ZNF611: variants seen among roughly 807,000 people sequenced by gnomAD.
The protein encoded by ZNF611 is zinc finger protein 611.
In ZNF611, 6 loss-of-function variants were observed where a neutral mutation model predicts 8.9. That is an observed-to-expected ratio of 0.68 (90% confidence interval 0.37 to 1.34). The LOEUF is 1.34. Among genes scored for constraint, ZNF611 ranks in the 40% most tolerant of loss-of-function variants. ZNF611 has a pLI of 0.02. For missense variants in ZNF611, 874 were observed against 841.3 expected, an observed-to-expected ratio of 1.04 and a Z score of -0.48; for synonymous variants, 262 against 279.7, an observed-to-expected ratio of 0.94 and a Z score of 0.63.
At chr19:52,724,691 C>T (rs2147442351) in intron 3 of ZNF611, 1 of 152,660 alleles carries the variant, frequency 6.6e-6, no homozygotes, top group East Asian at 1.9e-4. Context: ...CCCCAGTCCC[C>T]ACTCTCTAGC....
At position 52,729,507 on chromosome 19, in the gene ZNF611, A is replaced by AAG. The variant is rs1465435030; in HGVS notation, c.-122+398_-122+399insCT. 5.2e-3 allele frequency among the ~76,000 whole-genome samples: 763 copies of AAG among 145,404 alleles called. 37 individuals carry two copies. The highest frequency in any genetic ancestry group is 0.02 in the African/African-American group (737 of 37,066). ...GACTCCATCTCAAAAAAAAAAAAAAAAAAAAAAAAAAGAAAAGAAAGAAAA... is the reference window on the plus strand; with the variant it reads ...GACTCCATCTCAAAAAAAAAAAAAAAAGAAAAAAAAAAAGAAAAGAAAGAAAA... On this transcript the variant is annotated intron_variant, in intron 2 of 5. Coordinates refer to ENST00000652185, the MANE Select transcript of ZNF611 (RefSeq NM_001161499.2).
chr19:52,715,769 T>C (rs1169759558), intron 4 of ZNF611, 63 bp downstream of exon 4: 63 of 1,598,590 alleles, frequency 3.9e-5, no homozygotes, highest in Non-Finnish European at 4.8e-5. Flanking sequence ...GACTGGCTGC[T>C]ACAATACCTG....
At chr19:52,731,543 T>G (rs2147450968) in intron 1 of ZNF611, among the ~76,000 whole-genome samples, 1 of 151,922 alleles carries the variant, frequency 6.6e-6, no homozygotes, top group South Asian at 2.1e-4. Context: ...TTTGTATTTT[T>G]TTTTTTGTAG....
rs1159350274 is a variant in ZNF611, at chr19:52,730,391, CAAAAAAAAAAAAAAAAAA to C, written c.-221-404_-221-387del. Among the ~76,000 whole-genome samples, 477 of 73,560 alleles carry C rather than the reference CAAAAAAAAAAAAAAAAAA, an allele frequency of 6.5e-3. 4 individuals carry two copies. The highest frequency in any genetic ancestry group is 0.023 in the African/African-American group (455 of 19,952). 48.3% of individuals were successfully genotyped at this position (73,560 alleles called of 152,430 possible). A position where few individuals can be genotyped will look rare whatever the true frequency, so the allele number is the denominator to read the frequency against. On this transcript the variant is annotated intron_variant, in intron 1 of 5. Transcript: ENST00000652185. ...TGGGCGACAGAGCCAGACTCCGTCTCAAAAAAAAAAAAAAAAAAAAAAAAAAAAAAAAACATGATGTAG... is the reference window on the plus strand; with the variant it reads ...TGGGCGACAGAGCCAGACTCCGTCTCAAAAAAAAAAAAAAACATGATGTAG...
In ZNF611 at chr19:52,706,219, C is replaced by A; in HGVS notation, c.836G>T (p.Arg279Ile). The change falls in exon 6 of 6, where the codon AGA becomes ATA. Residue 279 changes from arginine (R) to isoleucine (I), a missense_variant. Transcript: ENST00000652185. ...NHEQYLACHDRCHTVEKPYKC... is the reference protein window; with the variant it reads ...NHEQYLACHDICHTVEKPYKC... Reference sequence around the variant, plus strand: ...GTAAGGTTTCTCAACAGTGTGACATCTATCATGGCATGCAAGGTATTGCTC... The same window carrying A: ...GTAAGGTTTCTCAACAGTGTGACATATATCATGGCATGCAAGGTATTGCTC... The A allele has an allele frequency of 6.2e-7, 1 of 1,614,184 alleles. No homozygotes were observed. The highest frequency in any genetic ancestry group is 8.5e-7 in the Non-Finnish European group (1 of 1,180,008).
intron 5 of ZNF611, among the ~76,000 whole-genome samples, chr19:52,712,633 G>A (rs74722251): frequency 0.017 from 2,346 of 137,356 alleles, 66 homozygotes; most frequent in African/African-American, 0.058. Flanking sequence ...GCAATACTCC[G>A]TCTGAAAAAA....
intron 3 of ZNF611, 138 bp from the exon 4 acceptor site, chr19:52,716,051 T>C: frequency 1.0e-6 from 1 of 967,756 alleles, no homozygotes; most frequent in South Asian, 1.6e-5. Context: ...CATGCAGAGA[T>C]AAGGAAGTCC....
rs922454132 is a variant in ZNF611, at chr19:52,706,015, T to C, written c.1040A>G (p.Glu347Gly). ...TTGTTGATTAAAAGCCTTGTCACAT[T>C]CATTACACTTGTAAGGATTTTCTCC... ...DTGENPYKCN[E>G]CDKAFNQQSQ... is the part of the protein sequence containing the mutation. Residue 347 changes from glutamate (E) to glycine (G), a missense_variant, in exon 6 of 6, where the codon GAA (glutamate) becomes GGA (glycine). By Grantham distance (98) the Glu-to-Gly change is moderately conservative. Coordinates refer to ENST00000652185, the MANE Select transcript of ZNF611 (RefSeq NM_001161499.2). The C allele has an allele frequency of 6.2e-7, 1 of 1,614,088 alleles. No homozygotes were observed. The highest frequency in any genetic ancestry group is 1.3e-5 in the African/African-American group (1 of 74,930).
intron 3 of ZNF611, among the ~76,000 whole-genome samples, chr19:52,721,701 G>C (rs867967573): frequency 6.6e-6 from 1 of 151,992 alleles, no homozygotes; most frequent in Middle Eastern, 3.4e-3. Flanking sequence ...GAGGGAGAGG[G>C]AGAGGCAGAG....
chr19:52,712,456 TA>T (rs55649603), intron 5 of ZNF611, among the ~76,000 whole-genome samples: 125 of 37,458 alleles, frequency 3.3e-3, no homozygotes, highest in African/African-American at 4.8e-3. Flanking sequence ...CTGTCTCTAC[TA>T]AAAAAAAAAA....
At chr19:52,710,813 C>T (rs914578780) in intron 5 of ZNF611, among the ~76,000 whole-genome samples, 2 of 152,082 alleles carry the variant, frequency 1.3e-5, no homozygotes, top group African/African-American at 4.8e-5. Flanking sequence ...TCTAATAGTA[C>T]TCATTTGTTT....
At chr19:52,730,417 A>AAAAAAAAC (rs1568610603) in intron 1 of ZNF611, among the ~76,000 whole-genome samples, 10 of 128,856 alleles carry the variant, frequency 7.8e-5, no homozygotes, top group African/African-American at 2.5e-4. Context: ...AAAAAAAAAA[A>AAAAAAAAC]AAAAAAACAT....
chr19:52,715,149 G>A (rs1464713512), intron 4 of ZNF611, among the ~76,000 whole-genome samples: 1 of 152,136 alleles, frequency 6.6e-6, no homozygotes, highest in Non-Finnish European at 1.5e-5. Context: ...AAAGTCCAAT[G>A]GCTTTCAAAG....
At chr19:52,710,746 AC>A (rs1284849676) in intron 5 of ZNF611, among the ~76,000 whole-genome samples, 14 of 152,210 alleles carry the variant, frequency 9.2e-5, no homozygotes, top group African/African-American at 2.9e-4. Context: ...CTGAGGGCTG[AC>A]AAATATTATT....
chr19:52,732,163 C>A (rs113556984), intron 1 of ZNF611, among the ~76,000 whole-genome samples: 3 of 147,528 alleles, frequency 2.0e-5, no homozygotes, highest in African/African-American at 5.1e-5. Context: ...CCAGCTACTC[C>A]GGAGGCTGAG....
chr19:52,720,117 CAGA>C (rs1306697644), intron 3 of ZNF611, among the ~76,000 whole-genome samples: 2 of 152,202 alleles, frequency 1.3e-5, no homozygotes, highest in South Asian at 2.1e-4. Context: ...CATCTCAAGG[CAGA>C]AGAATTTTTC....
chr19:52,717,815 A>G (rs966757959), intron 3 of ZNF611: 3 of 422,556 alleles, frequency 7.1e-6, no homozygotes, highest in African/African-American at 6.5e-5. Context: ...CTAAATTTTC[A>G]TGTTAGGGTA....
chr19:52,721,624 C>T lies in ZNF611; in HGVS notation c.-19-5711G>A, dbSNP rs149387676. Among the ~76,000 whole-genome samples the T allele has an allele frequency of 1.4e-4, 21 of 151,468 alleles. No individual in the cohort carries two copies. The East Asian group carries it at 4.1e-3, about 29-fold the overall frequency. ...GGGAGGTTGCAGCGAGCCCAGATCA[C>T]GGCAGTACTGTCCAGCCTCGGCAAC... On this transcript the variant is annotated intron_variant, in intron 3 of 5. Coordinates refer to ENST00000652185, the MANE Select transcript of ZNF611 (RefSeq NM_001161499.2).
chr19:52,704,464 CTA>C lies in ZNF611; in HGVS notation c.*471_*472del, dbSNP rs747316462. The C allele has an allele frequency of 1.9e-5, 15 of 785,772 alleles. No individual in the cohort carries two copies. The East Asian group carries it at 2.7e-4, about 14-fold the overall frequency. 48.7% of individuals were successfully genotyped at this position (785,772 alleles called of 1,614,324 possible). A position where few individuals can be genotyped will look rare whatever the true frequency, so the allele number is the denominator to read the frequency against. On this transcript the variant is annotated 3_prime_UTR_variant, in exon 6 of 6. Transcript: ENST00000652185. Reference sequence around the variant, plus strand: ...AGGTTTCTCTCCTGTATAAATTCTCCTATGTTTTGCATAGGATGAAGCTTGAC... The same window carrying C: ...AGGTTTCTCTCCTGTATAAATTCTCCTGTTTTGCATAGGATGAAGCTTGAC...
Sources: gnomAD v4.1 joint callset for allele counts (sites outside exome capture counted in the v4.1 genomes callset) on GRCh38, gnomAD v4.1.1 for gene constraint, MANE v1.5 for transcripts, NCBI Gene and HGNC (gene_info 2026-07-23, HGNC 2026-07-21) for gene names.